Variants in DCLK1 observed in about 807,000 individuals in gnomAD.
DCLK1 encodes the protein serine/threonine-protein kinase DCLK1.
Under a neutral mutation model 86.2 loss-of-function variants are expected in DCLK1, and 16 were observed. The observed-to-expected ratio is 0.19, with a 90% confidence interval of 0.13 to 0.28. The LOEUF (loss-of-function observed/expected upper bound fraction) is 0.28, where lower values mean the gene tolerates loss of function less well. DCLK1 is among the 10% of genes least tolerant of loss of function. DCLK1 has a pLI of 1.00. For missense variants in DCLK1, 590 were observed against 940.2 expected (o/e 0.63, Z 4.87); for synonymous variants, 369 against 370.5 (o/e 1.00, Z 0.05).
At chr13:36,075,045 A>T (rs556151002) in intron 3 of DCLK1, among the ~76,000 whole-genome samples, 1 of 152,156 alleles carries the variant, frequency 6.6e-6, no homozygotes, top group Non-Finnish European at 1.5e-5. Flanking sequence ...GGGGGGAAAA[A>T]CCCAATCTTT....
intron 3 of DCLK1, among the ~76,000 whole-genome samples, chr13:36,059,450 C>T (rs1013214351): frequency 6.6e-6 from 1 of 150,600 alleles, no homozygotes; most frequent in African/African-American, 2.5e-5. Flanking sequence ...ATGAAATCAT[C>T]ACAGTGGGCC....
intron 15 of DCLK1, among the ~76,000 whole-genome samples, chr13:35,801,689 G>A (rs1427266923): frequency 6.6e-6 from 1 of 152,058 alleles, no homozygotes; most frequent in Non-Finnish European, 1.5e-5. Flanking sequence ...CACAAAACCA[G>A]GTAGAAGAGG....
At chr13:35,985,152 G>A (rs1879839854) in intron 3 of DCLK1, among the ~76,000 whole-genome samples, 1 of 152,138 alleles carries the variant, frequency 6.6e-6, no homozygotes, top group African/African-American at 2.4e-5. Context: ...TCTGATTATG[G>A]ATGCATTTAG....
chr13:35,978,385 T>G (rs906242369), intron 3 of DCLK1, among the ~76,000 whole-genome samples: 1 of 151,932 alleles, frequency 6.6e-6, no homozygotes, highest in Non-Finnish European at 1.5e-5. Flanking sequence ...TTTGTATTTT[T>G]AGTAGAGATG....
intron 4 of DCLK1, among the ~76,000 whole-genome samples, chr13:35,889,588 T>C (rs1036956747): frequency 6.6e-6 from 1 of 152,176 alleles, no homozygotes; most frequent in African/African-American, 2.4e-5. Context: ...TTAACTTTGT[T>C]AGAAATGTAG....
intron 3 of DCLK1, among the ~76,000 whole-genome samples, chr13:36,056,306 G>A (rs544998528): frequency 1.1e-5 from 1 of 94,164 alleles, no homozygotes; most frequent in Non-Finnish European, 2.1e-5. Context: ...ATGAGTTCAT[G>A]TCCTTTGTAG....
chr13:35,802,271 G>A (rs1012063741), intron 15 of DCLK1, among the ~76,000 whole-genome samples: 4 of 151,584 alleles, frequency 2.6e-5, no homozygotes, highest in Non-Finnish European at 5.9e-5. Context: ...GGTCGAGGCT[G>A]CAGTGAGCCA....
chr13:35,917,385 T>C (rs9574916), intron 4 of DCLK1, among the ~76,000 whole-genome samples: 2,726 of 152,288 alleles, frequency 0.018, 127 homozygotes, highest in East Asian at 0.17. Context: ...CGGTTTTGTT[T>C]GCTATTGTCG....
At position 35,972,669 on chromosome 13, in the gene DCLK1, G is replaced by A. The variant is rs73520108; in HGVS notation, c.724-25212C>T. 3.7e-3 allele frequency among the ~76,000 whole-genome samples: 561 copies of A among 152,156 alleles called. 3 individuals are homozygous for A. The highest frequency in any genetic ancestry group is 0.013 in the African/African-American group (526 of 41,474). On this transcript the variant is annotated intron_variant, in intron 3 of 16. Transcript: ENST00000360631. ...TGGGGGGCAGCACTGAGACAGAGTG[G>A]GAAGGAAGCATGATGAATACTGCAG...
At chr13:35,968,542 A>G (rs1878895215) in intron 3 of DCLK1, among the ~76,000 whole-genome samples, 1 of 152,202 alleles carries the variant, frequency 6.6e-6, no homozygotes, top group Admixed American at 6.5e-5. Context: ...GCAGAAAGTC[A>G]AATTAGCACT....
intron 4 of DCLK1, among the ~76,000 whole-genome samples, chr13:35,894,726 C>T (rs879489333): frequency 1.3e-5 from 2 of 152,154 alleles, no homozygotes; most frequent in Non-Finnish European, 2.9e-5. Flanking sequence ...GAGTCTTCTT[C>T]CCTCCTGAGC....
intron 3 of DCLK1, among the ~76,000 whole-genome samples, chr13:35,949,736 C>T (rs1877561719): frequency 6.6e-6 from 1 of 151,864 alleles, no homozygotes; most frequent in South Asian, 2.1e-4. Context: ...AAGCAGGTTG[C>T]TAGCCAATGC....
At chr13:35,842,442 A>G (rs986589626) in intron 6 of DCLK1, among the ~76,000 whole-genome samples, 1 of 151,892 alleles carries the variant, frequency 6.6e-6, no homozygotes, top group Non-Finnish European at 1.5e-5. Context: ...AGGCTGAGGC[A>G]GGAGGCTTGC....
Position 36,111,921 on chromosome 13 carries a change from A to G in DCLK1, c.671T>C (p.Ile224Thr), listed in dbSNP as rs1191799433. The part of the protein sequence containing the change: ...EQVLTDITDA[I>T]KLDSGVVKRL... ...TTTCACCACTCCCGAGTCCAGCTTG[A>G]TGGCATCGGTGATATCGGTGAGGAC... The change falls in exon 3 of 17, where the codon ATC (isoleucine) becomes ACC (threonine). Residue 224 changes from isoleucine (I) to threonine (T), a missense_variant. Around this residue, in one of 6 missense-constraint regions of DCLK1, gnomAD observed 195 missense variants for 365.1 expected, o/e 0.53. Coordinates refer to ENST00000360631, the MANE Select transcript of DCLK1 (RefSeq NM_001330071.2). 6.2e-7 allele frequency: 1 copy of G among 1,614,080 alleles called. No individual in the cohort carries two copies. Among genetic ancestry groups the G allele is most frequent in the African/African-American group, 1.3e-5 (1 of 74,932 alleles).
At chr13:35,951,540 T>TGACTCA (rs1278873498) in intron 3 of DCLK1, among the ~76,000 whole-genome samples, 13 of 151,300 alleles carry the variant, frequency 8.6e-5, no homozygotes, top group Non-Finnish European at 1.9e-4. Context: ...TAATCCAAAG[T>TGACTCA]GACTCATCCC....
chr13:35,915,524 G>C (rs2153125716), intron 4 of DCLK1, among the ~76,000 whole-genome samples: 1 of 152,258 alleles, frequency 6.6e-6, no homozygotes, highest in South Asian at 2.1e-4. Flanking sequence ...AACATAGCAA[G>C]ATCTCTTCTC....
intron 5 of DCLK1, among the ~76,000 whole-genome samples, chr13:35,866,863 A>G (rs1871830804): frequency 6.6e-6 from 1 of 152,354 alleles, no homozygotes; most frequent in Admixed American, 6.5e-5. Flanking sequence ...TAATCCATAT[A>G]GAGACAATTC....
chr13:35,927,600 CAT>C (rs1219288859), intron 4 of DCLK1, among the ~76,000 whole-genome samples: 1 of 152,176 alleles, frequency 6.6e-6, no homozygotes, highest in Non-Finnish European at 1.5e-5. Flanking sequence ...TATAATAAAA[CAT>C]GTGTCTGGTT....
At chr13:36,002,147 T>C (rs1880749520) in intron 3 of DCLK1, among the ~76,000 whole-genome samples, 2 of 152,220 alleles carry the variant, frequency 1.3e-5, no homozygotes, top group African/African-American at 2.4e-5. Context: ...TAGGCAAGAA[T>C]TGAAGCCTAT....
Sources: allele counts gnomAD v4.1 joint callset (sites outside exome capture counted in the v4.1 genomes callset), GRCh38; gene constraint gnomAD v4.1.1; regional missense constraint gnomAD v4.1.1; transcripts MANE v1.5; gene names NCBI Gene and HGNC (gene_info 2026-07-23, HGNC 2026-07-21).